FRMPD4: variants seen among roughly 807,000 people sequenced by gnomAD.
FRMPD4 encodes the protein FERM and PDZ domain-containing protein 4.
Under a neutral mutation model 94.1 loss-of-function variants are expected in FRMPD4, and 22 were observed. The ratio of observed to expected loss-of-function variants is 0.23; its 90% CI spans 0.17 to 0.33. The LOEUF (loss-of-function observed/expected upper bound fraction) is 0.33. Among genes scored for constraint, FRMPD4 ranks in the 10% least tolerant of loss-of-function variants. FRMPD4 has a pLI of 1.00. For missense variants in FRMPD4, 1,111 were observed against 1,339.9 expected (o/e 0.83, Z 2.67); for synonymous variants, 631 against 548.6 (o/e 1.15, Z -2.10).
chrX:12,011,700 G>A (rs2054581007), intron 3 of FRMPD4, among the ~76,000 whole-genome samples: 1 of 111,204 alleles, frequency 9.0e-6, no homozygotes, highest in Non-Finnish European at 1.9e-5. Context: ...GTGATATGGA[G>A]GAATAATTGT....
At chrX:12,306,961 C>T (rs1469614851) in intron 1 of FRMPD4, among the ~76,000 whole-genome samples, 1 of 112,097 alleles carries the variant, frequency 8.9e-6, no homozygotes, top group Non-Finnish European at 1.9e-5. Flanking sequence ...AGAAGGCGTT[C>T]AGGGCCCAAG....
intron 4 of FRMPD4, among the ~76,000 whole-genome samples, chrX:12,633,626 A>T (rs2059416996): frequency 8.9e-6 from 1 of 112,406 alleles, no homozygotes; most frequent in Non-Finnish European, 1.9e-5. Context: ...AGTGTTATGG[A>T]TAAACATTTT....
rs57484735 is a variant in FRMPD4 at position 12,193,827 on chromosome X, G to GAA, written c.41+54816_41+54817insAA. ...GGAAGGAAGGAAGGAAGGAAGGAAG[G>GAA]AGGGAAGGAAGAAAGAAAAGAAAGA... is the stretch of plus-strand genomic sequence containing the variant. On this transcript the variant is annotated intron_variant, in intron 1 of 16. Transcript: ENST00000675598. Among the ~76,000 whole-genome samples the GAA allele has an allele frequency of 2.4e-3, 65 of 27,498 alleles. 13 individuals are homozygous for GAA. The highest frequency in any genetic ancestry group is 0.014 in the African/African-American group (61 of 4,465). The allele number at this position is 27,498 out of a possible 115,157, so 23.9% of individuals were successfully genotyped here. A position where few individuals can be genotyped will look rare whatever the true frequency, so the allele number is the denominator to read the frequency against.
intron 3 of FRMPD4, among the ~76,000 whole-genome samples, chrX:11,958,092 G>A: frequency 8.9e-6 from 1 of 111,919 alleles, no homozygotes. Flanking sequence ...AAACCTGGTT[G>A]ATCAGAATCA....
chrX:12,375,034 C>T lies in FRMPD4; in HGVS notation c.42-123646C>T, dbSNP rs1038000526. On this transcript the variant is annotated intron_variant, in intron 1 of 16. Transcript: ENST00000675598. The stretch of plus-strand genomic sequence containing the variant: ...CATTGGTCTTAGAATCATCTTCCAG[C>T]CTCTGGCTGTCCAATCCCGACCTAG... 8 of 112,325 alleles carry T rather than the reference C, an allele frequency of 7.1e-5. No individual in the cohort carries two copies. The Admixed American group carries it at 7.5e-4, about 11-fold the overall frequency. The allele number at this position is 112,325 out of a possible 1,213,427, so 9.3% of individuals were successfully genotyped here.
chrX:12,575,552 C>A (rs190646402), intron 2 of FRMPD4, among the ~76,000 whole-genome samples: 7 of 111,259 alleles, frequency 6.3e-5, no homozygotes, highest in Non-Finnish European at 1.3e-4. Flanking sequence ...AGAATGATAG[C>A]CCTCCAAAGA....
intron 3 of FRMPD4, among the ~76,000 whole-genome samples, chrX:11,961,987 G>T (rs1443881164): frequency 8.9e-6 from 1 of 112,437 alleles, no homozygotes; most frequent in Non-Finnish European, 1.9e-5. Flanking sequence ...ATTCTAGGAA[G>T]TAGCAGAGGT....
intron 1 of FRMPD4, among the ~76,000 whole-genome samples, chrX:12,471,830 T>C (rs887504465): frequency 8.9e-6 from 1 of 112,108 alleles, no homozygotes; most frequent in African/African-American, 3.3e-5. Flanking sequence ...TGTCTGCCAA[T>C]GCTTCCCTGG....
intron 3 of FRMPD4, among the ~76,000 whole-genome samples, chrX:12,120,691 G>A (rs2055446510): frequency 8.9e-6 from 1 of 112,145 alleles, no homozygotes; most frequent in African/African-American, 3.2e-5. Flanking sequence ...GAGTGACTAG[G>A]ATTGTCACCT....
chrX:12,479,439 C>T (rs375501525), intron 1 of FRMPD4, among the ~76,000 whole-genome samples: 26 of 15,468 alleles, frequency 1.7e-3, no homozygotes, highest in East Asian at 2.6e-3. Context: ...TATATACACA[C>T]ATATATGTAT....
chrX:12,128,181 G>T (rs2055517088), intron 3 of FRMPD4, among the ~76,000 whole-genome samples: 1 of 113,277 alleles, frequency 8.8e-6, no homozygotes, highest in Admixed American at 9.2e-5. Flanking sequence ...CGTAGCAGTG[G>T]TTCTCCATGA....
chrX:12,593,996 C>A (rs767628870), intron 2 of FRMPD4, among the ~76,000 whole-genome samples: 1 of 111,423 alleles, frequency 9.0e-6, no homozygotes, highest in East Asian at 2.8e-4. Flanking sequence ...TCAGAACTAC[C>A]ATTTGTATTA....
At chrX:11,962,671 T>C (rs938528090) in intron 3 of FRMPD4, among the ~76,000 whole-genome samples, 2 of 111,323 alleles carry the variant, frequency 1.8e-5, no homozygotes, top group African/African-American at 6.5e-5. Flanking sequence ...AAAGCAAAAC[T>C]GGAAGGAGTA....
intron 3 of FRMPD4, among the ~76,000 whole-genome samples, chrX:12,118,860 C>T (rs1230152010): frequency 8.9e-6 from 1 of 111,753 alleles, no homozygotes; most frequent in African/African-American, 3.3e-5. Context: ...TTTTTCTCTT[C>T]GTCTCTTTGT....
intron 1 of FRMPD4, among the ~76,000 whole-genome samples, chrX:12,248,791 C>G (rs2053991440): frequency 8.9e-6 from 1 of 112,420 alleles, no homozygotes; most frequent in South Asian, 3.7e-4. Context: ...GTAATCCCAG[C>G]ACTTTGGGAG....
At chrX:12,629,545 G>T (rs1189300460) in intron 4 of FRMPD4, among the ~76,000 whole-genome samples, 2 of 112,334 alleles carry the variant, frequency 1.8e-5, no homozygotes, top group Admixed American at 1.9e-4. Context: ...TTATACAATT[G>T]TTGGAAGAAT....
intron 1 of FRMPD4, among the ~76,000 whole-genome samples, chrX:12,343,934 C>T (rs1226308541): frequency 8.9e-6 from 1 of 112,144 alleles, no homozygotes; most frequent in Non-Finnish European, 1.9e-5. Context: ...CATATGTTGC[C>T]AGAGAAATTA....
rs202002762 is a variant in FRMPD4, at chrX:12,555,093, TTC to T, written c.159-54626_159-54625del. Among the ~76,000 whole-genome samples, 402 of 112,172 alleles carry T rather than the reference TTC, an allele frequency of 3.6e-3. 3 individuals carry two copies. The highest frequency in any genetic ancestry group is 0.012 in the African/African-American group (379 of 30,939). On this transcript the variant is annotated intron_variant, in intron 2 of 16. Coordinates refer to ENST00000675598, the MANE Select transcript of FRMPD4 (RefSeq NM_001368397.1). ...AGAATAGCCACCTTCTTCTTCCCTT[TTC>T]TTTTTGTTACTTTTCCTTTTTCTTT... is the stretch of plus-strand genomic sequence containing the variant.
chrX:12,605,078 C>T (rs969159009), intron 2 of FRMPD4, among the ~76,000 whole-genome samples: 4 of 112,287 alleles, frequency 3.6e-5, no homozygotes, highest in Non-Finnish European at 7.5e-5. Flanking sequence ...GTGCAGGTCA[C>T]GTCAATAAGA....
Sources: allele counts gnomAD v4.1 joint callset (sites outside exome capture counted in the v4.1 genomes callset), GRCh38; gene constraint gnomAD v4.1.1; transcripts MANE v1.5; gene names NCBI Gene and HGNC (gene_info 2026-07-23, HGNC 2026-07-21).